The following CASK variants were observed in gnomAD, a reference collection of about 807,000 sequenced individuals.
CASK encodes the protein calcium/calmodulin dependent serine protein kinase.
A neutral mutation model predicts 82.9 loss-of-function variants in CASK; 4 were observed. That is an observed-to-expected ratio of 0.05 (90% CI 0.02 to 0.11). CASK has a LOEUF of 0.11. CASK is among the 10% of genes least tolerant of loss of function. The pLI is 1.00. For synonymous variants in CASK, 259 were observed against 253.5 expected (o/e 1.02, Z -0.20); for missense variants, 358 against 720.9 (o/e 0.50, Z 5.76).
intron 1 of CASK, among the ~76,000 whole-genome samples, chrX:41,884,166 A>G (rs1178562505): frequency 8.9e-6 from 1 of 112,451 alleles, no homozygotes; most frequent in Non-Finnish European, 1.9e-5. Flanking sequence ...CCAAGAAGGC[A>G]GGACAGAGAG....
At chrX:41,619,426 T>C (rs1052654698) in intron 11 of CASK, among the ~76,000 whole-genome samples, 8 of 110,818 alleles carry the variant, frequency 7.2e-5, no homozygotes, top group Middle Eastern at 4.7e-3. Context: ...TGAGCCACCA[T>C]GACTGGCCTG....
Position 41,520,408 on chromosome X carries a change from C to G in CASK, c.*12G>C. On this transcript the variant is annotated 3_prime_UTR_variant, in exon 27 of 27. Transcript: ENST00000378163. Reference sequence around the variant, plus strand: ...GGTGCTCCCAGTTATGCTCAGATATCTGGGGAGAGGCCTAATAGACCCAGG... The same window carrying G: ...GGTGCTCCCAGTTATGCTCAGATATGTGGGGAGAGGCCTAATAGACCCAGG... 8.4e-7 allele frequency: 1 copy of G among 1,193,445 alleles called. No homozygotes were observed. Among genetic ancestry groups the G allele is most frequent in the Non-Finnish European group, 1.1e-6 (1 of 880,519 alleles).
At chrX:41,807,909 G>A (rs946249916) in intron 2 of CASK, among the ~76,000 whole-genome samples, 3 of 111,779 alleles carry the variant, frequency 2.7e-5, no homozygotes, top group Non-Finnish European at 5.6e-5. Flanking sequence ...AGGCTGGAGT[G>A]CAGTGGCATG....
chrX:41,626,608 G>A lies in CASK; in HGVS notation c.1011C>T (p.Ser337=). The A allele has an allele frequency of 8.7e-7, 1 of 1,153,654 alleles. No individual in the cohort carries two copies. Among genetic ancestry groups the A allele is most frequent in the Non-Finnish European group, 1.2e-6 (1 of 842,397 alleles). ...ATAAGTGAATTATCCAATTACCTGA[G>A]GAGGTAGGGTCTTCGGAGAAATCTG... The part of the protein sequence containing the change: ...ELPDFSEDPT[S]SGLLAAERAV... The change falls in exon 10 of 27, where the codon TCC becomes TCT. Residue 337 remains serine, a synonymous_variant. Transcript: ENST00000378163.
intron 5 of CASK, among the ~76,000 whole-genome samples, chrX:41,690,463 C>T (rs1048964814): frequency 5.5e-5 from 6 of 109,684 alleles, no homozygotes; most frequent in African/African-American, 2.0e-4. Context: ...TCTCCAGCCT[C>T]AGCCTCCGGA....
chrX:41,767,166 T>C (rs2069132939), intron 3 of CASK, among the ~76,000 whole-genome samples: 1 of 112,101 alleles, frequency 8.9e-6, no homozygotes, highest in African/African-American at 3.2e-5. Flanking sequence ...CAGTTGATCC[T>C]TTAACAACAC....
intron 2 of CASK, among the ~76,000 whole-genome samples, chrX:41,791,791 T>C (rs1602630725): frequency 9.0e-6 from 1 of 111,038 alleles, no homozygotes; most frequent in Admixed American, 9.6e-5. Context: ...GGCATTATTT[T>C]GTTCCTTTTT....
At chrX:41,774,834 A>T (rs1359658553) in intron 3 of CASK, among the ~76,000 whole-genome samples, 2 of 111,174 alleles carry the variant, frequency 1.8e-5, no homozygotes, top group Non-Finnish European at 3.8e-5. Flanking sequence ...CTAGCCATAT[A>T]TAGAAAGCTG....
At chrX:41,586,680 T>C (rs1447762202) in intron 14 of CASK, 19 of 380,326 alleles carry the variant, frequency 5.0e-5, no homozygotes, top group Admixed American at 1.8e-4. Flanking sequence ...GTCTGATGAG[T>C]ACAGTCCCTG....
intron 8 of CASK, among the ~76,000 whole-genome samples, chrX:41,654,839 AG>A (rs2066912432): frequency 9.0e-6 from 1 of 111,490 alleles, no homozygotes; most frequent in South Asian, 3.8e-4. Flanking sequence ...CCCAGTTTGG[AG>A]AAATTGAAAA....
At chrX:41,895,676 T>C (rs1257536828) in intron 1 of CASK, among the ~76,000 whole-genome samples, 1 of 111,115 alleles carries the variant, frequency 9.0e-6, no homozygotes, top group Non-Finnish European at 1.9e-5. Context: ...CCCACAAAAT[T>C]TAAAATGAAA....
intron 9 of CASK, among the ~76,000 whole-genome samples, chrX:41,632,120 G>C (rs2066478704): frequency 9.1e-6 from 1 of 110,469 alleles, no homozygotes; most frequent in African/African-American, 3.3e-5. Context: ...GTAGAGCCGG[G>C]GTCTCCTTAT....
At chrX:41,749,583 C>T (rs776088199) in intron 3 of CASK, among the ~76,000 whole-genome samples, 1 of 106,388 alleles carries the variant, frequency 9.4e-6, no homozygotes, top group African/African-American at 3.4e-5. Flanking sequence ...GACAGGATTT[C>T]ACCGTCTTGG....
chrX:41,906,723 C>T (rs780599896), intron 1 of CASK, among the ~76,000 whole-genome samples: 5 of 112,611 alleles, frequency 4.4e-5, no homozygotes, highest in East Asian at 2.8e-4. Flanking sequence ...CATCACCTAC[C>T]GCTGACCCCT....
chrX:41,629,642 G>A (rs2066432990), intron 9 of CASK, among the ~76,000 whole-genome samples: 1 of 111,635 alleles, frequency 9.0e-6, no homozygotes. Flanking sequence ...AAGGTCATAT[G>A]ATCTCTTTTG....
At chrX:41,910,274 G>A (rs1031864757) in intron 1 of CASK, among the ~76,000 whole-genome samples, 18 of 110,804 alleles carry the variant, frequency 1.6e-4, no homozygotes, top group African/African-American at 5.6e-4. Context: ...TATACGTAAG[G>A]TAGTTTAAGA....
At chrX:41,555,689 C>G (rs1287084810) in intron 19 of CASK, 54 bp from the exon 20 acceptor site, 51 of 940,922 alleles carry the variant, frequency 5.4e-5, no homozygotes, top group Non-Finnish European at 7.7e-5. Flanking sequence ...TTCAAGAGTA[C>G]AAAGTAATTT....
chrX:41,730,793 C>A (rs766542531), intron 5 of CASK, among the ~76,000 whole-genome samples: 17 of 111,513 alleles, frequency 1.5e-4, no homozygotes, highest in Middle Eastern at 9.2e-3. Flanking sequence ...CCTCCACCCC[C>A]CCGGGGTCAA....
chrX:41,539,472 T>C (rs2064919418), intron 22 of CASK, among the ~76,000 whole-genome samples: 1 of 112,095 alleles, frequency 8.9e-6, no homozygotes, highest in African/African-American at 3.2e-5. Context: ...CAGAGTACTG[T>C]ATTTTACCAT....
Sources: gnomAD v4.1 joint callset for allele counts (sites outside exome capture counted in the v4.1 genomes callset) on GRCh38, gnomAD v4.1.1 for gene constraint, MANE v1.5 for transcripts, NCBI Gene and HGNC (gene_info 2026-07-23, HGNC 2026-07-21) for gene names.